MAN1C1: variants seen among roughly 807,000 people sequenced by gnomAD.
The protein encoded by MAN1C1 is mannosidase alpha class 1C member 1.
In MAN1C1, 49 loss-of-function variants were observed where a neutral mutation model predicts 71.5. The observed-to-expected ratio is 0.69, with a 90% CI of 0.54 to 0.87. MAN1C1 has a LOEUF of 0.87. Among genes scored for constraint, MAN1C1 ranks in the 40% least tolerant of loss-of-function variants. MAN1C1 has a pLI of 0.00. For missense variants in MAN1C1, 743 were observed against 835.0 expected (o/e 0.89, Z 1.36); for synonymous variants, 352 against 343.7 (o/e 1.02, Z -0.27).
chr1:25,748,289 C>T (rs750670396), intron 3 of MAN1C1, among the ~76,000 whole-genome samples: 6 of 152,168 alleles, frequency 3.9e-5, no homozygotes, highest in Non-Finnish European at 7.3e-5. Context: ...CTGACCTCAC[C>T]GAGCCCTGGG....
intron 2 of MAN1C1, among the ~76,000 whole-genome samples, chr1:25,719,050 G>GATTATT (rs1283680170): frequency 2.2e-5 from 3 of 137,580 alleles, no homozygotes; most frequent in African/African-American, 8.6e-5. Flanking sequence ...TCTTTCCAAT[G>GATTATT]CTTATTATTA....
intron 1 of MAN1C1, among the ~76,000 whole-genome samples, chr1:25,657,819 C>A (rs544878923): frequency 6.6e-6 from 1 of 152,214 alleles, no homozygotes; most frequent in Non-Finnish European, 1.5e-5. Flanking sequence ...ATCATCCTCA[C>A]TAGAATGAAA....
rs1447876586 is a variant in MAN1C1 at position 25,719,394 on chromosome 1, CTTTT to C, written c.638-27273_638-27270del. ...AGCCCCAATACTTATTATTTTTTATCTTTTATTTATTTATTTATTTATTTATTTA... is the reference window on the plus strand; with the variant it reads ...AGCCCCAATACTTATTATTTTTTATCATTTATTTATTTATTTATTTATTTA... On this transcript the variant is annotated intron_variant, in intron 2 of 11. Coordinates refer to ENST00000374332, the MANE Select transcript of MAN1C1 (RefSeq NM_020379.4). Among the ~76,000 whole-genome samples the C allele has an allele frequency of 4.4e-3, 636 of 142,944 alleles. 5 individuals are homozygous for C. Among genetic ancestry groups the C allele is most frequent in the African/African-American group, 0.016 (592 of 37,578 alleles). 93.8% of individuals were successfully genotyped at this position (142,944 alleles called of 152,430 possible).
rs780584895 is a variant in MAN1C1, at chr1:25,618,338, G to C, written c.540+1G>C. 6.3e-7 allele frequency: 1 copy of C among 1,595,940 alleles called. No individual in the cohort carries two copies. Reference sequence around the variant, plus strand: ...AGCCCAGCGGGAGAAAATCAAGGAGGTATGGACTCAGCCCCCAAACTCCTC... The same window carrying C: ...AGCCCAGCGGGAGAAAATCAAGGAGCTATGGACTCAGCCCCCAAACTCCTC... On this transcript the variant is annotated splice_donor_variant, in intron 1 of 11. Coordinates refer to ENST00000374332, the MANE Select transcript of MAN1C1 (RefSeq NM_020379.4). LOFTEE classifies it high-confidence loss of function.
intron 3 of MAN1C1, among the ~76,000 whole-genome samples, chr1:25,748,075 G>C (rs187432112): frequency 2.7e-3 from 406 of 152,040 alleles, no homozygotes; most frequent in African/African-American, 9.4e-3. Flanking sequence ...GTCCCCATAG[G>C]CCTGCCTCGT....
At chr1:25,716,418 C>A (rs2046681841) in intron 2 of MAN1C1, among the ~76,000 whole-genome samples, 1 of 152,186 alleles carries the variant, frequency 6.6e-6, no homozygotes, top group African/African-American at 2.4e-5. Flanking sequence ...CTGCAACCTC[C>A]ACCTCCCAGG....
intron 2 of MAN1C1, among the ~76,000 whole-genome samples, chr1:25,745,632 T>C (rs1159367510): frequency 6.6e-6 from 1 of 152,236 alleles, no homozygotes; most frequent in African/African-American, 2.4e-5. Context: ...TCCTATTTTA[T>C]ATTTGAGCCA....
At chr1:25,748,211 G>A (rs2124341224) in intron 3 of MAN1C1, among the ~76,000 whole-genome samples, 1 of 152,278 alleles carries the variant, frequency 6.6e-6, no homozygotes, top group Middle Eastern at 3.4e-3. Flanking sequence ...AAGAAAGCAA[G>A]GTGGGGTCAC....
chr1:25,677,954 G>T (rs571777407), intron 1 of MAN1C1, among the ~76,000 whole-genome samples: 2 of 144,966 alleles, frequency 1.4e-5, no homozygotes, highest in Admixed American at 7.2e-5. Flanking sequence ...AGCACCATAC[G>T]ATGTCTTCTT....
intron 5 of MAN1C1, among the ~76,000 whole-genome samples, chr1:25,757,497 GC>G (rs1184136967): frequency 2.9e-5 from 1 of 34,302 alleles, no homozygotes; most frequent in African/African-American, 4.1e-4. Flanking sequence ...GGAAACTGAG[GC>G]ACGGGGGGGG....
chr1:25,747,648 A>G (rs1186874041), intron 3 of MAN1C1, among the ~76,000 whole-genome samples: 2 of 152,144 alleles, frequency 1.3e-5, no homozygotes, highest in Non-Finnish European at 2.9e-5. Flanking sequence ...GCCAGCACAG[A>G]GCAGGGTGGA....
At chr1:25,652,340 A>G (rs1034589830) in intron 1 of MAN1C1, among the ~76,000 whole-genome samples, 18 of 152,110 alleles carry the variant, frequency 1.2e-4, no homozygotes, top group African/African-American at 3.6e-4. Flanking sequence ...TAACGCTGGA[A>G]CTCTTGTAAG....
chr1:25,729,046 T>C (rs1054553916), intron 2 of MAN1C1, among the ~76,000 whole-genome samples: 4 of 152,228 alleles, frequency 2.6e-5, no homozygotes, highest in Admixed American at 1.3e-4. Context: ...GCTTCTAATG[T>C]ACATGGTTTG....
At chr1:25,701,042 G>A (rs1033757906) in intron 2 of MAN1C1, among the ~76,000 whole-genome samples, 3 of 152,276 alleles carry the variant, frequency 2.0e-5, no homozygotes, top group East Asian at 1.9e-4. Flanking sequence ...GAGAAAAAGC[G>A]AACATGATAA....
intron 8 of MAN1C1, among the ~76,000 whole-genome samples, chr1:25,774,920 G>GT (rs1250185855): frequency 2.0e-5 from 3 of 152,044 alleles, no homozygotes; most frequent in Non-Finnish European, 4.4e-5. Context: ...AGCCTGCACT[G>GT]TCTTGTGTTT....
intron 1 of MAN1C1, among the ~76,000 whole-genome samples, chr1:25,684,891 C>T (rs1160849779): frequency 6.6e-6 from 1 of 152,202 alleles, no homozygotes; most frequent in Non-Finnish European, 1.5e-5. Flanking sequence ...CCTGGGCCAG[C>T]AGCAGCACAG....
intron 2 of MAN1C1, among the ~76,000 whole-genome samples, chr1:25,689,038 A>G (rs1430014375): frequency 6.6e-6 from 1 of 152,180 alleles, no homozygotes; most frequent in Admixed American, 6.5e-5. Flanking sequence ...CACCTGGGAA[A>G]GGGAGATGCA....
chr1:25,780,028 G>A (rs1397299907), intron 9 of MAN1C1, among the ~76,000 whole-genome samples: 1 of 152,148 alleles, frequency 6.6e-6, no homozygotes, highest in African/African-American at 2.4e-5. Flanking sequence ...ACCGCCCTAG[G>A]AGAGGCATCA....
chr1:25,623,863 G>A (rs3767914), intron 1 of MAN1C1, among the ~76,000 whole-genome samples: 25,602 of 152,122 alleles, frequency 0.17, 5,401 homozygotes, highest in African/African-American at 0.48. Context: ...AATGATGGAC[G>A]TAGGCTAGTT....
Sources: gnomAD v4.1 joint callset for allele counts (sites outside exome capture counted in the v4.1 genomes callset) on GRCh38, gnomAD v4.1.1 for gene constraint, MANE v1.5 for transcripts, NCBI Gene and HGNC (gene_info 2026-07-23, HGNC 2026-07-21) for gene names.